Variants in F8 observed in about 807,000 individuals in gnomAD.
The protein encoded by F8 is coagulation factor VIII, also known as antihemophilic factor.
Under a neutral mutation model 140.6 loss-of-function variants are expected in F8, and 12 were observed. The observed-to-expected ratio is 0.09, with a 90% CI of 0.05 to 0.14. The LOEUF (loss-of-function observed/expected upper bound fraction) is 0.14. Among genes scored for constraint, F8 ranks in the 10% least tolerant of loss-of-function variants. The pLI is 1.00. For missense variants in F8, 1,354 were observed against 1,720.7 expected (o/e 0.79, Z 3.77); for synonymous variants, 585 against 614.6 (o/e 0.95, Z 0.71).
At chrX:154,982,224 G>A (rs1315747200) in intron 6 of F8, among the ~76,000 whole-genome samples, 2 of 105,104 alleles carry the variant, frequency 1.9e-5, no homozygotes, top group Non-Finnish European at 3.9e-5. Flanking sequence ...AAGGCGGGTG[G>A]ATCACGAGGT....
chrX:154,914,468 C>T (rs1235637187), intron 14 of F8, among the ~76,000 whole-genome samples: 1 of 112,403 alleles, frequency 8.9e-6, no homozygotes, highest in Admixed American at 9.4e-5. Flanking sequence ...AACTTTTATG[C>T]TCTGTCACTC....
rs782342135 is a variant in F8, at chrX:154,980,278, A to G, written c.787+4409T>C. ...TGCTGATCCTTTCTTCTGCCTGATCAATTCTGTTGCTGATGTCTTGTATTG... is the reference window on the plus strand; with the variant it reads ...TGCTGATCCTTTCTTCTGCCTGATCGATTCTGTTGCTGATGTCTTGTATTG... On this transcript the variant is annotated intron_variant, in intron 6 of 25. Transcript: ENST00000360256. Among the ~76,000 whole-genome samples the G allele has an allele frequency of 3.2e-4, 36 of 111,772 alleles. 1 individual carries two copies. Among genetic ancestry groups the G allele is most frequent in the Non-Finnish European group, 6.4e-4 (34 of 53,132 alleles).
chrX:154,971,351 G>A (rs1156688440), intron 6 of F8, among the ~76,000 whole-genome samples: 1 of 111,071 alleles, frequency 9.0e-6, no homozygotes, highest in Admixed American at 9.6e-5. Context: ...TTTTGTGTGT[G>A]GGTCTTTTTA....
chrX:155,008,564 T>A (rs1477261839), intron 1 of F8, among the ~76,000 whole-genome samples: 2 of 111,030 alleles, frequency 1.8e-5, no homozygotes, highest in African/African-American at 6.6e-5. Flanking sequence ...AGCAAGAGGG[T>A]GAGGGGCGCC....
At chrX:154,876,658 G>C (rs1489980591) in intron 22 of F8, among the ~76,000 whole-genome samples, 1 of 111,241 alleles carries the variant, frequency 9.0e-6, no homozygotes, top group Non-Finnish European at 1.9e-5. Context: ...TTCTATATAG[G>C]AGAAAATTTG....
At chrX:154,908,635 G>GT (rs1216611050) in intron 14 of F8, among the ~76,000 whole-genome samples, 13 of 110,635 alleles carry the variant, frequency 1.2e-4, no homozygotes, top group Admixed American at 1.9e-4. Flanking sequence ...AATTTCCATA[G>GT]TTTTTTTTTC....
At chrX:154,959,689 C>T (rs2073386553) in intron 10 of F8, among the ~76,000 whole-genome samples, 1 of 111,469 alleles carries the variant, frequency 9.0e-6, no homozygotes, top group Non-Finnish European at 1.9e-5. Context: ...CCTCCCCTTC[C>T]CCTCTTTAGC....
At chrX:154,906,207 T>C (rs1310325847) in intron 15 of F8, among the ~76,000 whole-genome samples, 2 of 111,594 alleles carry the variant, frequency 1.8e-5, no homozygotes, top group Non-Finnish European at 3.8e-5. Context: ...TATGATGTGA[T>C]ATTTAGTAAA....
At chrX:154,861,423 T>C (rs1022564773) in intron 24 of F8, among the ~76,000 whole-genome samples, 1 of 112,185 alleles carries the variant, frequency 8.9e-6, no homozygotes, top group Non-Finnish European at 1.9e-5. Flanking sequence ...ATGAGAAACC[T>C]GGAAAGAAAG....
chrX:154,861,725 C>T lies in F8; in HGVS notation c.6716G>A (p.Arg2239Lys). ...LHLQGRSNAW[R>K]PQVNNPKEWL... is the part of the protein sequence containing the mutation. ...AAATCTGTTGCCTCTTACCTGAGGT[C>T]TCCAGGCATTACTCCTCCCTTGGAG... is the stretch of plus-strand genomic sequence containing the variant. The change falls in exon 24 of 26, where the codon AGA (arginine) becomes AAA (lysine). Residue 2239 changes from arginine to lysine, a missense_variant. Arg to Lys is a conservative substitution (Grantham distance 26, BLOSUM62 2). This residue lies in a region of F8 where 316 missense variants were observed against 485.4 expected (regional missense o/e 0.65). Transcript: ENST00000360256. 1 of 1,211,852 alleles carries T rather than the reference C, an allele frequency of 8.3e-7. No homozygotes were observed. The highest frequency in any genetic ancestry group is 1.8e-5 in the South Asian group (1 of 56,998).
chrX:155,014,192 C>CAT (rs1375983711), intron 1 of F8, among the ~76,000 whole-genome samples: 1 of 111,417 alleles, frequency 9.0e-6, no homozygotes, highest in African/African-American at 3.3e-5. Context: ...ACCATATGAC[C>CAT]ATTTGAATAG....
intron 13 of F8, among the ~76,000 whole-genome samples, chrX:154,945,816 T>C (rs933723754): frequency 2.7e-5 from 3 of 111,780 alleles, no homozygotes; most frequent in African/African-American, 9.8e-5. Flanking sequence ...TGTTTATAGA[T>C]GACATAATCT....
At chrX:154,850,083 TTGTG>T (rs60052978) in intron 25 of F8, among the ~76,000 whole-genome samples, 7,741 of 96,000 alleles carry the variant, frequency 0.081, 598 homozygotes, top group African/African-American at 0.23. Context: ...CAGGCTTGTT[TTGTG>T]TGTGTGTGTG....
At position 154,948,469 on chromosome X, in the gene F8, T is replaced by A. The variant is rs141463895; in HGVS notation, c.1904-562A>T. Among the ~76,000 whole-genome samples the A allele has an allele frequency of 5.3e-5, 6 of 112,294 alleles. No individual in the cohort carries two copies. The East Asian group carries it at 1.7e-3, about 31-fold the overall frequency. On this transcript the variant is annotated intron_variant, in intron 12 of 25. Transcript: ENST00000360256. ...AGTATTGAGAGGTAAAGGGATGTGA[T>A]GTCTGCAACTAATTTTCAAATAGAA...
intron 6 of F8, among the ~76,000 whole-genome samples, chrX:154,982,288 A>G (rs2073529810): frequency 9.3e-6 from 1 of 107,120 alleles, no homozygotes; most frequent in African/African-American, 3.4e-5. Context: ...TCTACTAAAA[A>G]TACAAAAAAT....
intron 14 of F8, among the ~76,000 whole-genome samples, chrX:154,923,765 A>G (rs1273312590): frequency 9.0e-6 from 1 of 111,501 alleles, no homozygotes; most frequent in Non-Finnish European, 1.9e-5. Flanking sequence ...ATGTGAGGAC[A>G]TGAGATTTGG....
At position 154,899,877 on chromosome X, in the gene F8, A is replaced by G. The variant is rs1253149845; in HGVS notation, c.6262T>C (p.Ser2088Pro). ...TTACATTTTCTAACCTTGATCCAAG[A>G]AAAGGGCTCCTTGGTGCTCCAGGCA... The part of the protein sequence containing the change: ...INAWSTKEPF[S>P]WIKVDLLAPM... Residue 2088 changes from serine to proline, a missense_variant, in exon 21 of 26, where the codon TCT (serine) becomes CCT (proline). This residue lies in a region of F8 where 316 missense variants were observed against 485.4 expected (regional missense o/e 0.65). Coordinates refer to ENST00000360256, the MANE Select transcript of F8 (RefSeq NM_000132.4). 1.7e-6 allele frequency: 2 copies of G among 1,208,687 alleles called. No individual in the cohort carries two copies. The highest frequency in any genetic ancestry group is 3.5e-5 in the African/African-American group (2 of 57,260).
chrX:154,908,989 G>C (rs782799711), intron 14 of F8: 71 of 161,959 alleles, frequency 4.4e-4, no homozygotes, highest in African/African-American at 2.2e-3. Context: ...TGGAGAGCCA[G>C]CACTGATTTG....
chrX:154,920,908 G>A (rs1557277514), intron 14 of F8, among the ~76,000 whole-genome samples: 1 of 111,935 alleles, frequency 8.9e-6, no homozygotes, highest in African/African-American at 3.2e-5. Flanking sequence ...CACTACTAGA[G>A]TGTTTTGGAT....
Sources: allele counts gnomAD v4.1 joint callset (sites outside exome capture counted in the v4.1 genomes callset), GRCh38; gene constraint gnomAD v4.1.1; regional missense constraint gnomAD v4.1.1; transcripts MANE v1.5; gene names NCBI Gene and HGNC (gene_info 2026-07-23, HGNC 2026-07-21).